Variants in ADK observed in about 807,000 individuals in gnomAD.
The protein encoded by ADK is N6,N6-dimethyladenosine kinase.
In ADK, 24 loss-of-function variants were observed where a neutral mutation model predicts 44.7. That is an observed-to-expected ratio of 0.54 (90% CI 0.39 to 0.76). The LOEUF (loss-of-function observed/expected upper bound fraction) is 0.76, where lower values mean the gene tolerates loss of function less well. ADK is among the 30% of genes least tolerant of loss of function. The pLI is 0.00. For synonymous variants in ADK, 128 were observed against 142.6 expected (o/e 0.90, Z 0.73); for missense variants, 321 against 425.1 (o/e 0.76, Z 2.15).
At chr10:74,679,648 G>A (rs1373612158) in intron 10 of ADK, among the ~76,000 whole-genome samples, 1 of 151,724 alleles carries the variant, frequency 6.6e-6, no homozygotes, top group African/African-American at 2.4e-5. Flanking sequence ...CTAATATCTG[G>A]CCCACTTCTT....
intron 3 of ADK, among the ~76,000 whole-genome samples, chr10:74,307,599 A>G (rs1383677339): frequency 9.2e-5 from 14 of 152,170 alleles, no homozygotes; most frequent in Non-Finnish European, 1.2e-4. Context: ...CGGAAGTTCC[A>G]TATATTATGT....
At chr10:74,230,800 G>C (rs1456157868) in intron 3 of ADK, among the ~76,000 whole-genome samples, 1 of 151,744 alleles carries the variant, frequency 6.6e-6, no homozygotes, top group Non-Finnish European at 1.5e-5. Context: ...CCCTGCCTCA[G>C]CCTCCTGAGT....
rs185984180 is a variant in ADK, at chr10:74,648,480, C to T, written c.878-21703C>T. 6.5e-3 allele frequency among the ~76,000 whole-genome samples: 993 copies of T among 152,052 alleles called. 11 individuals are homozygous for T. The highest frequency in any genetic ancestry group is 0.01 in the Non-Finnish European group (694 of 67,976). ...AGATCATGAGGTCAGGAGATCAAGA[C>T]CATCCTGGCCAAAATGGTGAAACCC... On this transcript the variant is annotated intron_variant, in intron 9 of 10. Transcript: ENST00000539909.
chr10:74,455,172 G>A (rs1360097209), intron 6 of ADK, among the ~76,000 whole-genome samples: 2 of 152,040 alleles, frequency 1.3e-5, no homozygotes, highest in Admixed American at 1.3e-4. Context: ...ATGGAACAGT[G>A]CATGAACCAC....
intron 4 of ADK, among the ~76,000 whole-genome samples, chr10:74,325,864 T>G (rs1840987218): frequency 6.6e-6 from 1 of 152,128 alleles, no homozygotes; most frequent in African/African-American, 2.4e-5. Context: ...GGCTTTTTTT[T>G]TTCTTTTTTA....
intron 1 of ADK, among the ~76,000 whole-genome samples, chr10:74,152,552 A>G (rs1841630655): frequency 6.6e-6 from 1 of 152,186 alleles, no homozygotes; most frequent in African/African-American, 2.4e-5. Context: ...AAACTGGAAG[A>G]CAGATGCAAC....
intron 4 of ADK, among the ~76,000 whole-genome samples, chr10:74,338,161 A>G (rs1841471857): frequency 6.6e-6 from 1 of 152,238 alleles, no homozygotes. Flanking sequence ...AAAAATGAAT[A>G]TATAAAATAG....
At chr10:74,490,902 G>A (rs1163546978) in intron 6 of ADK, among the ~76,000 whole-genome samples, 6 of 151,974 alleles carry the variant, frequency 3.9e-5, no homozygotes, top group South Asian at 4.1e-4. Flanking sequence ...TAGGTACCAC[G>A]TGTTAGATCA....
chr10:74,195,713 T>TC (rs1160912614), intron 1 of ADK, among the ~76,000 whole-genome samples: 2 of 143,944 alleles, frequency 1.4e-5, no homozygotes, highest in East Asian at 2.0e-4. Flanking sequence ...CTTTCTTTTT[T>TC]TTTTTTTTTT....
chr10:74,626,849 G>A (rs1853223891), intron 9 of ADK, among the ~76,000 whole-genome samples: 1 of 152,102 alleles, frequency 6.6e-6, no homozygotes, highest in Non-Finnish European at 1.5e-5. Flanking sequence ...GTAGTTTCCT[G>A]CAACAGTTAT....
intron 2 of ADK, among the ~76,000 whole-genome samples, chr10:74,204,617 T>C (rs960332030): frequency 6.6e-6 from 1 of 152,234 alleles, no homozygotes; most frequent in Non-Finnish European, 1.5e-5. Flanking sequence ...GACATTCAGA[T>C]AGAAACTTTA....
intron 1 of ADK, among the ~76,000 whole-genome samples, chr10:74,194,721 G>A (rs558200543): frequency 3.8e-4 from 58 of 152,266 alleles, no homozygotes; most frequent in African/African-American, 1.3e-3. Context: ...TACAGGAAGC[G>A]TTTGATAAAA....
intron 3 of ADK, among the ~76,000 whole-genome samples, chr10:74,235,987 A>T (rs999603454): frequency 6.6e-6 from 1 of 152,094 alleles, no homozygotes; most frequent in Admixed American, 6.5e-5. Flanking sequence ...CTGGCACCAT[A>T]CTCTAGGACT....
At chr10:74,663,605 C>CT (rs1854833246) in intron 9 of ADK, among the ~76,000 whole-genome samples, 1 of 152,068 alleles carries the variant, frequency 6.6e-6, no homozygotes, top group Admixed American at 6.6e-5. Context: ...GTAGGATTCT[C>CT]TATTATCAAA....
Position 74,566,855 on chromosome 10 carries a change from G to A in ADK, c.727-22427G>A, listed in dbSNP as rs1052890664. 5.9e-5 allele frequency among the ~76,000 whole-genome samples: 9 copies of A among 152,174 alleles called. No individual in the cohort carries two copies. The South Asian group carries it at 1.2e-3, about 21-fold the overall frequency. On this transcript the variant is annotated intron_variant, in intron 7 of 10. Coordinates refer to ENST00000539909, the MANE Select transcript of ADK (RefSeq NM_006721.4). ...ATACTTTACTTTTTATAGAAAGATA[G>A]CAGTAGAAAAGAACAGGTATTTAAA...
intron 3 of ADK, among the ~76,000 whole-genome samples, chr10:74,292,772 T>G (rs1187630244): frequency 6.6e-6 from 1 of 152,118 alleles, no homozygotes; most frequent in Non-Finnish European, 1.5e-5. Flanking sequence ...ACCATCTAAA[T>G]CGCTAAAGTC....
chr10:74,580,935 G>C (rs1473512835), intron 7 of ADK, among the ~76,000 whole-genome samples: 1 of 151,864 alleles, frequency 6.6e-6, no homozygotes, highest in Non-Finnish European at 1.5e-5. Context: ...CTTGAGAGGT[G>C]GAAACAAGAA....
intron 3 of ADK, among the ~76,000 whole-genome samples, chr10:74,224,794 C>T (rs935167001): frequency 6.6e-6 from 1 of 152,176 alleles, no homozygotes; most frequent in African/African-American, 2.4e-5. Context: ...CTCCTGTATT[C>T]ACATTAAAAG....
At chr10:74,424,530 C>T (rs1017109516) in intron 6 of ADK, among the ~76,000 whole-genome samples, 42 of 71,034 alleles carry the variant, frequency 5.9e-4, no homozygotes, top group South Asian at 2.0e-3. Context: ...AGCAAAACTC[C>T]GTCTCAAAAA....
Sources: gnomAD v4.1 joint callset for allele counts (sites outside exome capture counted in the v4.1 genomes callset) on GRCh38, gnomAD v4.1.1 for gene constraint, MANE v1.5 for transcripts, NCBI Gene and HGNC (gene_info 2026-07-23, HGNC 2026-07-21) for gene names.